The following FBXL4 variants were observed in gnomAD, a reference collection of about 807,000 sequenced individuals.
FBXL4 encodes the protein F-box/LRR-repeat protein 4.
A neutral mutation model predicts 58.9 loss-of-function variants in FBXL4; 40 were observed. The observed-to-expected ratio is 0.68, with a 90% CI of 0.53 to 0.88. The LOEUF (loss-of-function observed/expected upper bound fraction) is 0.88. Among genes scored for constraint, FBXL4 ranks in the 40% least tolerant of loss-of-function variants. The pLI, the probability that FBXL4 is intolerant of heterozygous loss-of-function variation, is 0.00. For missense variants in FBXL4, 676 were observed against 734.4 expected (o/e 0.92, Z 0.92); for synonymous variants, 263 against 265.5 (o/e 0.99, Z 0.09).
intron 7 of FBXL4, chr6:98,898,738 A>C (rs1771495582): frequency 1.0e-6 from 1 of 984,836 alleles, no homozygotes; most frequent in Non-Finnish European, 1.2e-6. Flanking sequence ...ACACTATTAC[A>C]GTAAAAGAGT....
chr6:98,884,153 C>T (rs939778262), intron 7 of FBXL4, among the ~76,000 whole-genome samples: 8 of 151,942 alleles, frequency 5.3e-5, no homozygotes, highest in Non-Finnish European at 1.0e-4. Context: ...TACTTATTAA[C>T]ATGTCAGGTA....
intron 7 of FBXL4, chr6:98,898,770 C>G (rs551044166): frequency 1.4e-3 from 1,374 of 985,282 alleles, no homozygotes; most frequent in Non-Finnish European, 1.6e-3. Context: ...TGCACTGACC[C>G]TGGAAACATG....
chr6:98,914,440 T>C (rs1164310600), intron 5 of FBXL4, among the ~76,000 whole-genome samples: 2 of 152,124 alleles, frequency 1.3e-5, no homozygotes, highest in Non-Finnish European at 2.9e-5. Flanking sequence ...GCAAACCGAA[T>C]CCAGCAGCAC....
At position 98,880,945 on chromosome 6, in the gene FBXL4, T is replaced by C. The variant is rs141069695; in HGVS notation, c.1318-321A>G. The stretch of plus-strand genomic sequence containing the variant: ...AAGCAATTTGAAAGTCTGGCTACAA[T>C]TGAACAACAAGACAAGCTAAACCAC... On this transcript the variant is annotated intron_variant, in intron 7 of 9. Coordinates refer to ENST00000369244, the MANE Select transcript of FBXL4 (RefSeq NM_001278716.2). 1.9e-3 allele frequency among the ~76,000 whole-genome samples: 294 copies of C among 152,240 alleles called. 1 individual carries two copies. The highest frequency in any genetic ancestry group is 3.0e-3 in the Non-Finnish European group (207 of 68,020).
intron 7 of FBXL4, among the ~76,000 whole-genome samples, chr6:98,883,474 G>A (rs1770921902): frequency 6.6e-6 from 1 of 151,594 alleles, no homozygotes. Flanking sequence ...TTTGTATCCT[G>A]TTGTTTTTTC....
intron 1 of FBXL4, among the ~76,000 whole-genome samples, chr6:98,941,920 A>C (rs1487320184): frequency 6.6e-6 from 1 of 152,152 alleles, no homozygotes; most frequent in Non-Finnish European, 1.5e-5. Context: ...TGAAATAAGC[A>C]CAAACTAACT....
At chr6:98,910,132 T>C (rs1027655143) in intron 5 of FBXL4, among the ~76,000 whole-genome samples, 8 of 152,222 alleles carry the variant, frequency 5.3e-5, no homozygotes, top group East Asian at 1.9e-4. Flanking sequence ...AGAAAACTGA[T>C]ATACATTTTT....
intron 4 of FBXL4, among the ~76,000 whole-genome samples, chr6:98,920,815 C>CACAT (rs966585754): frequency 8.4e-6 from 1 of 119,042 alleles, no homozygotes; most frequent in Non-Finnish European, 1.7e-5. Context: ...TGGGTACACA[C>CACAT]ACATACACAC....
At chr6:98,939,330 C>T (rs1562252717) in intron 1 of FBXL4, among the ~76,000 whole-genome samples, 1 of 152,156 alleles carries the variant, frequency 6.6e-6, no homozygotes, top group South Asian at 2.1e-4. Context: ...AATTATCAAA[C>T]CATCCTTTGC....
chr6:98,910,983 C>T (rs998115132), intron 5 of FBXL4, among the ~76,000 whole-genome samples: 6 of 152,176 alleles, frequency 3.9e-5, no homozygotes, highest in Non-Finnish European at 5.9e-5. Context: ...CCAAATACTG[C>T]GCTTTTCCGA....
intron 7 of FBXL4, chr6:98,896,944 T>C (rs1228097588): frequency 2.0e-6 from 2 of 984,892 alleles, no homozygotes; most frequent in Admixed American, 6.2e-5. Context: ...AAGAAAACTG[T>C]AGACTAATAA....
chr6:98,877,257 G>A (rs1179666036), intron 8 of FBXL4, among the ~76,000 whole-genome samples: 2 of 152,096 alleles, frequency 1.3e-5, no homozygotes, highest in Non-Finnish European at 2.9e-5. Context: ...ATCTCCTTAC[G>A]TGAGTATACC....
chr6:98,934,407 AAAAG>A (rs961688522), intron 2 of FBXL4, among the ~76,000 whole-genome samples: 3 of 152,142 alleles, frequency 2.0e-5, no homozygotes, highest in African/African-American at 7.2e-5. Context: ...TCAAAAAAAA[AAAAG>A]AGAGAGAGAG....
intron 1 of FBXL4, among the ~76,000 whole-genome samples, chr6:98,941,148 G>C (rs1582461861): frequency 6.6e-6 from 1 of 151,824 alleles, no homozygotes; most frequent in East Asian, 1.9e-4. Context: ...ATTCATAATT[G>C]TTGCAACTTG....
At chr6:98,930,725 C>T (rs1268092771) in intron 2 of FBXL4, among the ~76,000 whole-genome samples, 2 of 152,036 alleles carry the variant, frequency 1.3e-5, no homozygotes, top group African/African-American at 4.8e-5. Context: ...CAGCCTGGAC[C>T]ACAGAGCAAG....
chr6:98,908,787 C>T (rs1266134150), intron 5 of FBXL4, among the ~76,000 whole-genome samples: 1 of 151,934 alleles, frequency 6.6e-6, no homozygotes, highest in African/African-American at 2.4e-5. Flanking sequence ...ATACATTTCC[C>T]ACTATCCTCT....
At position 98,899,430 on chromosome 6, in the gene FBXL4, G is replaced by T. The variant is rs1290747137; in HGVS notation, c.1155C>A (p.Ser385Arg). ...SELVRLELSC[S>R]HFLNETCLEV... The stretch of plus-strand genomic sequence containing the variant: ...CTAAGCAAGTTTCATTAAGAAAGTG[G>T]CTGCAAGACAATTCAAGGCGTACTA... The change falls in exon 7 of 10, where the codon AGC (serine) becomes AGA (arginine). Residue 385 changes from serine to arginine, a missense_variant. By Grantham distance (110) the Ser-to-Arg change is moderately radical (BLOSUM62 -1). Transcript: ENST00000369244. 3 of 1,613,878 alleles carry T rather than the reference G, an allele frequency of 1.9e-6. No homozygotes were observed. The highest frequency in any genetic ancestry group is 2.5e-6 in the Non-Finnish European group (3 of 1,179,912).
chr6:98,898,288 G>A, intron 7 of FBXL4: 1 of 985,264 alleles, frequency 1.0e-6, no homozygotes, highest in Non-Finnish European at 1.2e-6. Context: ...GCATGCAGCA[G>A]AGGGAAAAAG....
intron 1 of FBXL4, among the ~76,000 whole-genome samples, chr6:98,939,947 G>A (rs187587309): frequency 9.9e-5 from 15 of 152,248 alleles, no homozygotes; most frequent in African/African-American, 3.6e-4. Flanking sequence ...AACTGGAGGT[G>A]ATCATCAAAT....
Sources: gnomAD v4.1 joint callset for allele counts (sites outside exome capture counted in the v4.1 genomes callset) on GRCh38, gnomAD v4.1.1 for gene constraint, MANE v1.5 for transcripts, NCBI Gene and HGNC (gene_info 2026-07-23, HGNC 2026-07-21) for gene names.